Variants in DOK6 observed in about 807,000 individuals in gnomAD.
DOK6 encodes downstream of tyrosine kinase 6.
A neutral mutation model predicts 44.0 loss-of-function variants in DOK6; 22 were observed. That is an observed-to-expected ratio of 0.50 (90% CI 0.36 to 0.71). DOK6 has a LOEUF of 0.71. Ranked by LOEUF, DOK6 falls within the 30% of genes least tolerant of loss-of-function variation. DOK6 has a pLI of 0.00. For missense variants in DOK6, 340 were observed against 416.4 expected (o/e 0.82, Z 1.60); for synonymous variants, 166 against 145.5 (o/e 1.14, Z -1.01).
chr18:69,402,403 G>A (rs2122375977), intron 1 of DOK6, among the ~76,000 whole-genome samples: 1 of 152,308 alleles, frequency 6.6e-6, no homozygotes, highest in Non-Finnish European at 1.5e-5. Flanking sequence ...GAAAAAGAGG[G>A]GAGGACTTTG....
chr18:69,474,137 A>T (rs1254711520), intron 1 of DOK6, among the ~76,000 whole-genome samples: 1 of 152,148 alleles, frequency 6.6e-6, no homozygotes. Context: ...ATTTTATTAT[A>T]TGTGTCCTTG....
intron 5 of DOK6, among the ~76,000 whole-genome samples, chr18:69,728,193 C>T (rs1978320476): frequency 1.3e-5 from 2 of 152,250 alleles, no homozygotes; most frequent in East Asian, 1.9e-4. Context: ...GATGTAGGCA[C>T]TGGGGAGTCA....
chr18:69,404,631 G>T (rs1200235642), intron 1 of DOK6, among the ~76,000 whole-genome samples: 1 of 151,684 alleles, frequency 6.6e-6, no homozygotes, highest in Non-Finnish European at 1.5e-5. Context: ...TTTTTTCAAG[G>T]AATTCATTCA....
At chr18:69,618,461 G>C (rs1391664137) in intron 3 of DOK6, 1 of 162,148 alleles carries the variant, frequency 6.2e-6, no homozygotes, top group Non-Finnish European at 1.3e-5. Flanking sequence ...TAAGAGTTTT[G>C]TATTAGTCCG....
At chr18:69,512,891 A>T (rs1981412978) in intron 1 of DOK6, among the ~76,000 whole-genome samples, 1 of 152,198 alleles carries the variant, frequency 6.6e-6, no homozygotes, top group Non-Finnish European at 1.5e-5. Flanking sequence ...TGGTATGTGG[A>T]TTGCAGCTAT....
Position 69,599,477 on chromosome 18 carries a change from A to C in DOK6, c.268A>C (p.Lys90Gln). Residue 90 changes from lysine (K) to glutamine (Q), a missense_variant, in exon 3 of 8, where the codon AAG (lysine) becomes CAG (glutamine). Lys to Gln is a moderately conservative substitution (Grantham distance 53, BLOSUM62 1). Transcript: ENST00000382713. The stretch of plus-strand genomic sequence containing the variant: ...AATCATCTTTCACGATGAAACATCG[A>C]AGACATTTGCCTGTGAGTCAGGTAA... ...VAIIFHDETS[K>Q]TFACESELEA... 1 of 1,613,994 alleles carries C rather than the reference A, an allele frequency of 6.2e-7. No individual in the cohort carries two copies. Among genetic ancestry groups the C allele is most frequent in the Non-Finnish European group, 8.5e-7 (1 of 1,179,944 alleles).
Position 69,814,730 on chromosome 18 carries a change from GCACTTTTAAAC to G in DOK6, c.857-26510_857-26500del, listed in dbSNP as rs1023957704. Among the ~76,000 whole-genome samples the G allele has an allele frequency of 1.7e-4, 26 of 152,112 alleles. No homozygotes were observed. The East Asian group carries it at 4.3e-3, about 25-fold the overall frequency. On this transcript the variant is annotated intron_variant, in intron 7 of 7. Coordinates refer to ENST00000382713, the MANE Select transcript of DOK6 (RefSeq NM_152721.6). ...AGAGAGTGCAAGGGGAAAGTGTCAC[GCACTTTTAAAC>G]CACCAGGTCTCATGAGAACTCACTA...
At chr18:69,564,837 C>T (rs549161410) in intron 2 of DOK6, among the ~76,000 whole-genome samples, 10 of 152,286 alleles carry the variant, frequency 6.6e-5, no homozygotes, top group African/African-American at 2.2e-4. Context: ...TGACTCATAA[C>T]TCAACCAAAT....
At chr18:69,718,466 T>C (rs1986932926) in intron 5 of DOK6, among the ~76,000 whole-genome samples, 1 of 152,174 alleles carries the variant, frequency 6.6e-6, no homozygotes, top group Non-Finnish European at 1.5e-5. Flanking sequence ...TAAACTCTTA[T>C]GTGAGTTGAA....
rs59109570 is a variant in DOK6 at position 69,512,332 on chromosome 18, C to CTTCTTCTTTTTTT, written c.67-52153_67-52152insCTTCTTTTTTTTT. Among the ~76,000 whole-genome samples, 4 of 91,680 alleles carry CTTCTTCTTTTTTT rather than the reference C, an allele frequency of 4.4e-5. 1 individual carries two copies. Among genetic ancestry groups the CTTCTTCTTTTTTT allele is most frequent in the African/African-American group, 1.9e-4 (4 of 21,350 alleles). 60.1% of individuals were successfully genotyped at this position (91,680 alleles called of 152,430 possible). Reference sequence around the variant, plus strand: ...ACCCCTTCGTCTTTGCTTTCTTCTTCTTTTTTTTTTTTTTTTTTTTTTTTT... The same window carrying CTTCTTCTTTTTTT: ...ACCCCTTCGTCTTTGCTTTCTTCTTCTTCTTCTTTTTTTTTTTTTTTTTTTTTTTTTTTTTTTT... On this transcript the variant is annotated intron_variant, in intron 1 of 7. Coordinates refer to ENST00000382713, the MANE Select transcript of DOK6 (RefSeq NM_152721.6).
chr18:69,620,311 T>A (rs189093783), intron 3 of DOK6, among the ~76,000 whole-genome samples: 22 of 152,338 alleles, frequency 1.4e-4, no homozygotes, highest in Non-Finnish European at 3.1e-4. Flanking sequence ...GTGAACATCT[T>A]CCACTTTGAT....
At chr18:69,781,966 A>G (rs1568124872) in intron 7 of DOK6, among the ~76,000 whole-genome samples, 1 of 152,146 alleles carries the variant, frequency 6.6e-6, no homozygotes, top group Non-Finnish European at 1.5e-5. Context: ...GCAGTTTATA[A>G]TTCACATTTG....
chr18:69,448,992 A>G (rs1390529267), intron 1 of DOK6, among the ~76,000 whole-genome samples: 1 of 152,234 alleles, frequency 6.6e-6, no homozygotes, highest in Admixed American at 6.5e-5. Context: ...GAAAGTACAA[A>G]GAAGAGCTGA....
At chr18:69,457,954 G>A (rs767984478) in intron 1 of DOK6, among the ~76,000 whole-genome samples, 2 of 152,104 alleles carry the variant, frequency 1.3e-5, no homozygotes, top group Non-Finnish European at 2.9e-5. Context: ...GACCAGCCTG[G>A]CCAACATGGT....
chr18:69,522,583 A>G (rs969315080), intron 1 of DOK6, among the ~76,000 whole-genome samples: 2 of 152,048 alleles, frequency 1.3e-5, no homozygotes, highest in African/African-American at 4.8e-5. Flanking sequence ...TTAATGATTA[A>G]TTAAAGAAAA....
At chr18:69,818,143 C>T (rs1981455378) in intron 7 of DOK6, among the ~76,000 whole-genome samples, 1 of 152,166 alleles carries the variant, frequency 6.6e-6, no homozygotes, top group Non-Finnish European at 1.5e-5. Flanking sequence ...ACTCCTGACA[C>T]TTGCCCAAGA....
At chr18:69,508,441 G>T (rs1405895615) in intron 1 of DOK6, among the ~76,000 whole-genome samples, 1 of 152,124 alleles carries the variant, frequency 6.6e-6, no homozygotes, top group Non-Finnish European at 1.5e-5. Flanking sequence ...ATCATTCCTT[G>T]CAACTTAGTG....
chr18:69,838,970 C>G (rs1021931415), intron 7 of DOK6, among the ~76,000 whole-genome samples: 3 of 151,272 alleles, frequency 2.0e-5, no homozygotes, highest in African/African-American at 4.9e-5. Context: ...AACTCCTCCC[C>G]AAGCCTCACC....
intron 2 of DOK6, among the ~76,000 whole-genome samples, chr18:69,573,836 A>C (rs1983176226): frequency 6.6e-6 from 1 of 151,756 alleles, no homozygotes; most frequent in Admixed American, 6.6e-5. Context: ...CTCTTTTACC[A>C]TCCTTTCGTT....
Sources: gnomAD v4.1 joint callset for allele counts (sites outside exome capture counted in the v4.1 genomes callset) on GRCh38, gnomAD v4.1.1 for gene constraint, MANE v1.5 for transcripts, NCBI Gene and HGNC (gene_info 2026-07-23, HGNC 2026-07-21) for gene names.